CEACAM21: variants seen among roughly 807,000 people sequenced by gnomAD.
CEACAM21 encodes the protein CEA cell adhesion molecule 21.
A neutral mutation model predicts 33.2 loss-of-function variants in CEACAM21; 38 were observed. The ratio of observed to expected loss-of-function variants is 1.14; its 90% CI spans 0.88 to 1.50. The LOEUF (loss-of-function observed/expected upper bound fraction) is 1.50. Ranked by LOEUF, CEACAM21 falls within the 40% of genes most tolerant of loss-of-function variation. The pLI is 0.00. For missense variants in CEACAM21, 385 were observed against 364.6 expected (o/e 1.06, Z -0.46); for synonymous variants, 156 against 143.0 (o/e 1.09, Z -0.65).
At position 41,586,349 on chromosome 19, in the gene CEACAM21, C is replaced by T. The variant is rs2070734955; in HGVS notation, c.*1-115C>T. 11 of 606,642 alleles carry T rather than the reference C, an allele frequency of 1.8e-5. No individual in the cohort carries two copies. The Admixed American group carries it at 2.1e-4, about 11-fold the overall frequency. The allele number at this position is 606,642 out of a possible 1,614,324, so 37.6% of individuals were successfully genotyped here. A position where few individuals can be genotyped will look rare whatever the true frequency, so the allele number is the denominator to read the frequency against. On this transcript the variant is annotated intron_variant, in intron 6 of 6. Transcript: ENST00000401445. The stretch of plus-strand genomic sequence containing the variant: ...GAGGGAGGGGCCTGGGAGCAGGAAC[C>T]CCCTGAGCACAGCCAGGTTCAGTCC...
intron 1 of CEACAM21, among the ~76,000 whole-genome samples, chr19:41,561,965 G>A (rs2041908640): frequency 6.6e-6 from 1 of 152,152 alleles, no homozygotes. Context: ...AAGAACACAG[G>A]CCAGGTGCTG....
At chr19:41,557,535 C>T (rs1052013866) in intron 1 of CEACAM21, among the ~76,000 whole-genome samples, 3 of 152,164 alleles carry the variant, frequency 2.0e-5, no homozygotes, top group Admixed American at 2.0e-4. Flanking sequence ...TCAACGCTGT[C>T]AATCGACAGC....
intron 1 of CEACAM21, chr19:41,551,045 G>A (rs938721340): frequency 9.9e-5 from 15 of 152,168 alleles, no homozygotes; most frequent in African/African-American, 3.6e-4. Flanking sequence ...AATTTACATC[G>A]GGACTCGTTT....
intron 1 of CEACAM21, 70 bp downstream of exon 1, chr19:41,576,408 G>A (rs1039992724): frequency 1.3e-6 from 2 of 1,509,382 alleles, no homozygotes; most frequent in East Asian, 4.7e-5. Flanking sequence ...CTCCTGGGGA[G>A]GATGGGGCTC....
chr19:41,582,787 T>G (rs1480663495), intron 3 of CEACAM21, among the ~76,000 whole-genome samples: 1 of 152,126 alleles, frequency 6.6e-6, no homozygotes. Context: ...CCAGGAAACA[T>G]TTTTTCCTCC....
chr19:41,555,875 C>G (rs571922190), intron 1 of CEACAM21, among the ~76,000 whole-genome samples: 2 of 152,354 alleles, frequency 1.3e-5, no homozygotes, highest in Admixed American at 1.3e-4. Flanking sequence ...TGCAACGGCT[C>G]TCAGCCATCT....
At chr19:41,568,502 T>A (rs1201442190) in intron 2 of CEACAM21, among the ~76,000 whole-genome samples, 3 of 152,234 alleles carry the variant, frequency 2.0e-5, no homozygotes, top group Admixed American at 6.5e-5. Flanking sequence ...TTCTTCTGCA[T>A]ATGAATATCC....
At chr19:41,556,210 T>TG (rs2041513330) in intron 1 of CEACAM21, among the ~76,000 whole-genome samples, 1 of 152,222 alleles carries the variant, frequency 6.6e-6, no homozygotes, top group African/African-American at 2.4e-5. Flanking sequence ...AAGAAGTACA[T>TG]GGGAGAGGAA....
At chr19:41,573,485 C>T (rs540129072), upstream of CEACAM21, among the ~76,000 whole-genome samples, 1 of 152,328 alleles carries the variant, frequency 6.6e-6, no homozygotes, top group Non-Finnish European at 1.5e-5. Flanking sequence ...CTAAGCACCT[C>T]CTCCAGCTCC....
chr19:41,578,500 C>T (rs928616968), intron 2 of CEACAM21, among the ~76,000 whole-genome samples: 1 of 152,138 alleles, frequency 6.6e-6, no homozygotes, highest in African/African-American at 2.4e-5. Flanking sequence ...CAGTGCTCAA[C>T]GTCACACCAC....
intron 3 of CEACAM21, among the ~76,000 whole-genome samples, chr19:41,583,715 GA>G (rs1278174882): frequency 6.6e-6 from 1 of 152,060 alleles, no homozygotes; most frequent in Non-Finnish European, 1.5e-5. Flanking sequence ...GAACAGGATG[GA>G]AAAAACCCAC....
intron 2 of CEACAM21, among the ~76,000 whole-genome samples, chr19:41,578,705 C>T (rs1568609852): frequency 6.6e-6 from 1 of 152,194 alleles, no homozygotes; most frequent in East Asian, 1.9e-4. Flanking sequence ...TCTCAACTAT[C>T]AGACTCAATG....
At position 41,576,341 on chromosome 19, in the gene CEACAM21, G is replaced by A; in HGVS notation, c.64+3G>A. On this transcript the variant is annotated splice_donor_region_variant and intron_variant, in intron 1 of 6. Transcript: ENST00000401445. ...CTGGCAGGGGCTCTTGCTCACAGGT[G>A]AGGGGAGGACTCCCTGGGAGTGGGT... 1 of 1,609,532 alleles carries A rather than the reference G, an allele frequency of 6.2e-7. No homozygotes were observed. The highest frequency in any genetic ancestry group is 8.5e-7 in the Non-Finnish European group (1 of 1,177,496).
chr19:41,573,530 G>T (rs1182544358), upstream of CEACAM21, among the ~76,000 whole-genome samples: 1 of 152,116 alleles, frequency 6.6e-6, no homozygotes, highest in Admixed American at 6.5e-5. Flanking sequence ...AACCCCAGAG[G>T]ACAAACAAGA....
chr19:41,577,656 A>G (rs2043052926), intron 2 of CEACAM21, 97 bp downstream of exon 2: 2 of 1,549,422 alleles, frequency 1.3e-6, no homozygotes, highest in African/African-American at 1.4e-5. Flanking sequence ...CCCCCTCTGC[A>G]TTACGTCCCA....
In CEACAM21 at chr19:41,579,593, C is replaced by A. The variant is rs1385850356; in HGVS notation, c.665C>A (p.Ser222Tyr). Residue 222 changes from serine (S) to tyrosine (Y), a missense_variant, in exon 3 of 7, where the codon TCC becomes TAC. Transcript: ENST00000401445. ...YQCEVSNPVS[S>Y]NRSDPLKLTV... ...TGTGAGGTCTCCAACCCAGTCAGCT[C>A]CAACAGGAGCGACCCCCTCAAGCTG... 6.3e-7 allele frequency: 1 copy of A among 1,579,726 alleles called. No homozygotes were observed. The highest frequency in any genetic ancestry group is 1.4e-5 in the African/African-American group (1 of 74,030).
chr19:41,569,795 C>T (rs144967704), intron 2 of CEACAM21, among the ~76,000 whole-genome samples: 148,119 of 152,256 alleles, frequency 0.97, 72,082 homozygotes, highest in East Asian at 1. Context: ...CCAGCCACCC[C>T]GCCTACAAAA....
chr19:41,568,406 A>G (rs1228257148), intron 2 of CEACAM21, among the ~76,000 whole-genome samples: 2 of 152,104 alleles, frequency 1.3e-5, no homozygotes, highest in African/African-American at 4.8e-5. Context: ...TAGTAGTTTC[A>G]TAGTTTCAGT....
At chr19:41,584,752 C>T (rs547068836) in intron 4 of CEACAM21, among the ~76,000 whole-genome samples, 3 of 152,188 alleles carry the variant, frequency 2.0e-5, no homozygotes, top group Admixed American at 6.5e-5. Flanking sequence ...GGTACCTCCC[C>T]CTGTTCACTG....
Sources: gnomAD v4.1 joint callset for allele counts (sites outside exome capture counted in the v4.1 genomes callset) on GRCh38, gnomAD v4.1.1 for gene constraint, MANE v1.5 for transcripts, NCBI Gene and HGNC (gene_info 2026-07-23, HGNC 2026-07-21) for gene names.